FARS2: variants seen among roughly 807,000 people sequenced by gnomAD.
The protein encoded by FARS2 is phenylalanine--tRNA ligase, mitochondrial.
FARS2 carries 40 observed loss-of-function variants against 46.4 expected under a neutral mutation model. The ratio of observed to expected loss-of-function variants is 0.86; its 90% confidence interval spans 0.67 to 1.12. The LOEUF is 1.12. Ranked by LOEUF, FARS2 falls within the 50% of genes most tolerant of loss-of-function variation. The pLI, the probability that FARS2 is intolerant of heterozygous loss-of-function variation, is 0.00. For synonymous variants in FARS2, 234 were observed against 214.9 expected, an observed-to-expected ratio of 1.09 and a Z score of -0.78; for missense variants, 513 against 567.9, an observed-to-expected ratio of 0.90 and a Z score of 0.98.
At chr6:5,748,741 A>G (rs745976944) in intron 6 of FARS2, among the ~76,000 whole-genome samples, 7 of 152,260 alleles carry the variant, frequency 4.6e-5, no homozygotes, top group Non-Finnish European at 5.9e-5. Context: ...CCAGTTCTGA[A>G]TACTTTTCAT....
intron 2 of FARS2, among the ~76,000 whole-genome samples, chr6:5,402,297 A>T (rs571455511): frequency 8.0e-5 from 12 of 149,640 alleles, no homozygotes; most frequent in Admixed American, 1.3e-4. Flanking sequence ...TGAGTTTCTG[A>T]CTAAAGCAAT....
intron 5 of FARS2, among the ~76,000 whole-genome samples, chr6:5,587,533 C>G (rs932557640): frequency 6.6e-6 from 1 of 152,176 alleles, no homozygotes; most frequent in Non-Finnish European, 1.5e-5. Context: ...CATCTTTCCA[C>G]CACAGCATAT....
intron 4 of FARS2, among the ~76,000 whole-genome samples, chr6:5,495,575 C>T (rs997221217): frequency 1.3e-5 from 2 of 152,238 alleles, no homozygotes; most frequent in Non-Finnish European, 2.9e-5. Flanking sequence ...AAGCTTGCAA[C>T]TCAGGCTAAG....
At chr6:5,738,432 C>G (rs972050282) in intron 6 of FARS2, among the ~76,000 whole-genome samples, 1 of 152,190 alleles carries the variant, frequency 6.6e-6, no homozygotes, top group African/African-American at 2.4e-5. Flanking sequence ...TACATTACTA[C>G]GATCCAAAGT....
At chr6:5,465,328 G>A (rs144825957) in intron 4 of FARS2, among the ~76,000 whole-genome samples, 12 of 152,300 alleles carry the variant, frequency 7.9e-5, no homozygotes, top group African/African-American at 2.4e-4. Flanking sequence ...CTGAGAGCAC[G>A]GTTAGCAAGG....
chr6:5,261,726 T>A (rs1426087371), intron 1 of FARS2, 66 bp downstream of exon 1: 1 of 152,348 alleles, frequency 6.6e-6, no homozygotes, highest in Non-Finnish European at 1.5e-5. Flanking sequence ...GGGGTTTACA[T>A]TGGCCGTGGA....
intron 6 of FARS2, among the ~76,000 whole-genome samples, chr6:5,680,739 CTTTTT>C (rs11441342): frequency 7.0e-6 from 1 of 143,346 alleles, no homozygotes; most frequent in Admixed American, 7.0e-5. Flanking sequence ...CAGACGTTGT[CTTTTT>C]TTTTTTTTTG....
rs150495341 is a variant in FARS2, at chr6:5,679,974, T to A, written c.1217+66654T>A. On this transcript the variant is annotated intron_variant, in intron 6 of 6. Transcript: ENST00000274680. Reference sequence around the variant, plus strand: ...CATAAGAAAATTCATCAAAGTGTTTTCCTAAAGAGTTGTTCTCCCTCTAAA... The same window carrying A: ...CATAAGAAAATTCATCAAAGTGTTTACCTAAAGAGTTGTTCTCCCTCTAAA... Among the ~76,000 whole-genome samples the A allele has an allele frequency of 1.5e-4, 23 of 152,290 alleles. 1 individual carries two copies. The East Asian group carries it at 4.4e-3, about 29-fold the overall frequency.
intron 2 of FARS2, among the ~76,000 whole-genome samples, chr6:5,403,632 G>A (rs1405084782): frequency 6.6e-6 from 1 of 151,718 alleles, no homozygotes; most frequent in Non-Finnish European, 1.5e-5. Context: ...TTTTTCAGTA[G>A]CATTTATCAG....
rs141202945 is a variant in FARS2 at position 5,343,022 on chromosome 6, C to T, written c.-21-25528C>T. ...TCGACAGAAGGCAGCTAGTGCCTTA[C>T]AAGAAAACAGACAAAACCTCATTAA... On this transcript the variant is annotated intron_variant, in intron 1 of 6. Coordinates refer to ENST00000274680, the MANE Select transcript of FARS2 (RefSeq NM_006567.5). This position sits in a 1 kb window ranked among gnomAD's most constrained non-coding sequence, Gnocchi z 4.5. Among the ~76,000 whole-genome samples, 628 of 152,254 alleles carry T rather than the reference C, an allele frequency of 4.1e-3. 3 individuals are homozygous for T. Among genetic ancestry groups the T allele is most frequent in the Middle Eastern group, 0.014 (4 of 294 alleles).
At chr6:5,480,075 A>G (rs1418770113) in intron 4 of FARS2, among the ~76,000 whole-genome samples, 1 of 152,266 alleles carries the variant, frequency 6.6e-6, no homozygotes, top group Non-Finnish European at 1.5e-5. Flanking sequence ...CTGTCCTCAG[A>G]ACTGTCTGGT....
At position 5,343,632 on chromosome 6, in the gene FARS2, C is replaced by T. The variant is rs1404966104; in HGVS notation, c.-21-24918C>T. Among the ~76,000 whole-genome samples the T allele has an allele frequency of 6.6e-6, 1 of 152,122 alleles. No homozygotes were observed. Among genetic ancestry groups the T allele is most frequent in the East Asian group, 1.9e-4 (1 of 5,200 alleles). ...TTTAGTTCTTTGGAACATGTAAACC[C>T]AGTGTTGAACTTCTGTACATTAAGT... On this transcript the variant is annotated intron_variant, in intron 1 of 6. Transcript: ENST00000274680. The surrounding 1 kb of genome is among the most constrained non-coding windows in gnomAD (Gnocchi z 4.5).
chr6:5,518,642 T>C (rs564689818), intron 4 of FARS2, among the ~76,000 whole-genome samples: 130 of 152,336 alleles, frequency 8.5e-4, no homozygotes, highest in Admixed American at 1.4e-3. Flanking sequence ...AAACCCATCA[T>C]TGATTCCATC....
intron 2 of FARS2, among the ~76,000 whole-genome samples, chr6:5,396,267 A>G (rs1325378423): frequency 1.3e-5 from 2 of 152,214 alleles, no homozygotes; most frequent in Non-Finnish European, 2.9e-5. Context: ...GGGGAAATAA[A>G]TTCCAGTGAT....
intron 6 of FARS2, among the ~76,000 whole-genome samples, chr6:5,684,653 TTCTC>T (rs1184145812): frequency 6.6e-6 from 1 of 152,186 alleles, no homozygotes; most frequent in African/African-American, 2.4e-5. Flanking sequence ...GGAAGCTTCT[TTCTC>T]TCTCTTAAAT....
intron 1 of FARS2, among the ~76,000 whole-genome samples, chr6:5,312,076 T>C (rs1476781251): frequency 1.3e-5 from 2 of 152,216 alleles, no homozygotes. Flanking sequence ...ACTTTTTACA[T>C]GTGTAGAATG....
chr6:5,426,076 G>T (rs936386893), intron 3 of FARS2, among the ~76,000 whole-genome samples: 1 of 151,932 alleles, frequency 6.6e-6, no homozygotes, highest in African/African-American at 2.4e-5. Flanking sequence ...TGAAAATTGA[G>T]GTGTATAATT....
intron 1 of FARS2, among the ~76,000 whole-genome samples, chr6:5,298,002 G>A (rs1453071657): frequency 6.6e-6 from 1 of 152,220 alleles, no homozygotes; most frequent in Admixed American, 6.5e-5. Flanking sequence ...AGCCCGGAGG[G>A]CATCGATGGT....
chr6:5,500,710 G>A (rs901153954), intron 4 of FARS2, among the ~76,000 whole-genome samples: 1 of 152,146 alleles, frequency 6.6e-6, no homozygotes, highest in African/African-American at 2.4e-5. Context: ...GTTGTAAGCT[G>A]TAGCACCAAT....
Sources: allele counts gnomAD v4.1 joint callset (sites outside exome capture counted in the v4.1 genomes callset), GRCh38; gene constraint gnomAD v4.1.1; non-coding constraint Gnocchi (gnomAD v3.1); transcripts MANE v1.5; gene names NCBI Gene and HGNC (gene_info 2026-07-23, HGNC 2026-07-21).